Variants in C3orf18 observed in about 807,000 individuals in gnomAD.
C3orf18 encodes the protein chromosome 3 open reading frame 18.
A neutral mutation model predicts 14.1 loss-of-function variants in C3orf18; 12 were observed. The observed-to-expected ratio is 0.85, with a 90% CI of 0.55 to 1.38. The LOEUF (loss-of-function observed/expected upper bound fraction) is 1.38. Ranked by LOEUF, C3orf18 falls within the 40% of genes most tolerant of loss-of-function variation. The probability of loss-of-function intolerance (pLI) is 0.00; values close to 1 mark genes in which losing one functional copy is unlikely to be tolerated. For synonymous variants in C3orf18, 82 were observed against 87.9 expected, an observed-to-expected ratio of 0.93 and a Z score of 0.38; for missense variants, 196 against 213.9, an observed-to-expected ratio of 0.92 and a Z score of 0.52.
rs780507406 is a variant in C3orf18, at chr3:50,565,585, G to C, written c.115C>G (p.Pro39Ala). Residue 39 changes from proline to alanine, a missense_variant, in exon 3 of 6, where the codon CCA (proline) becomes GCA (alanine). Physicochemically the swap from Pro to Ala is conservative, Grantham distance 27. Coordinates refer to ENST00000357203, the MANE Select transcript of C3orf18 (RefSeq NM_016210.5). This position sits in a 1 kb window ranked among gnomAD's most constrained non-coding sequence, Gnocchi z 4.4. ...GPASETTTLSPEATTFNDTRI... is the reference protein window; with the variant it reads ...GPASETTTLSAEATTFNDTRI... ...GTGTCATTAAAGGTGGTGGCCTCTG[G>C]GCTGAGGGTAGTGGTCTCGGAGGCT... is the stretch of plus-strand genomic sequence containing the variant. 2 of 1,614,040 alleles carry C rather than the reference G, an allele frequency of 1.2e-6. No individual in the cohort carries two copies. Among genetic ancestry groups the C allele is most frequent in the Non-Finnish European group, 8.5e-7 (1 of 1,180,030 alleles).
chr3:50,574,388 G>C, upstream of C3orf18, among the ~76,000 whole-genome samples: 1 of 152,202 alleles, frequency 6.6e-6, no homozygotes, highest in East Asian at 1.9e-4. Context: ...GTGCTCTGGA[G>C]TGTTATGGCA....
At chr3:50,571,032 C>G (rs536557807), upstream of C3orf18, 1 of 1,220,502 alleles carries the variant, frequency 8.2e-7, no homozygotes, top group Admixed American at 2.3e-5. Context: ...ACTCTCAGCA[C>G]TCACCTCAGC....
rs955890873 is a variant in C3orf18 at position 50,559,751 on chromosome 3, G to A, written c.409-14C>T. ...GGGCAGAGTAGTCTGCAGGAAGACA[G>A]GCAGGGGCATCAGAGACCATGGGCA... On this transcript the variant is annotated splice_polypyrimidine_tract_variant and intron_variant, in intron 5 of 5. Coordinates refer to ENST00000357203, the MANE Select transcript of C3orf18 (RefSeq NM_016210.5). 6.4e-7 allele frequency: 1 copy of A among 1,552,546 alleles called. No homozygotes were observed.
At chr3:50,570,290 C>T (rs1181450174), upstream of C3orf18, 1 of 152,226 alleles carries the variant, frequency 6.6e-6, no homozygotes, top group Non-Finnish European at 1.5e-5. Flanking sequence ...TGATTTTAAA[C>T]CTTCAGTTAA....
At chr3:50,564,184 T>G (rs1700150346) in intron 3 of C3orf18, among the ~76,000 whole-genome samples, 1 of 152,222 alleles carries the variant, frequency 6.6e-6, no homozygotes, top group Admixed American at 6.5e-5. Flanking sequence ...AGGCCAGCCA[T>G]CAGAGCCTGC....
At chr3:50,572,086 T>C (rs774653655), upstream of C3orf18, 6 of 1,612,052 alleles carry the variant, frequency 3.7e-6, no homozygotes, top group Non-Finnish European at 5.1e-6. Flanking sequence ...GCTCTGTCCC[T>C]GATGACCACC....
At position 50,565,450 on chromosome 3, in the gene C3orf18, C is replaced by CTA. The variant is rs757974768; in HGVS notation, c.234+14_234+15dup. 1 of 1,583,128 alleles carries CTA rather than the reference C, an allele frequency of 6.3e-7. No individual in the cohort carries two copies. Among genetic ancestry groups the CTA allele is most frequent in the South Asian group, 1.1e-5 (1 of 90,332 alleles). ...TAAACACTGATTATCCTCCCCCAGC[C>CTA]TACCCCAGCTCTCACCAAGGCCACA... On this transcript the variant is annotated intron_variant, in intron 3 of 5. Transcript: ENST00000357203. This position sits in a 1 kb window ranked among gnomAD's most constrained non-coding sequence, Gnocchi z 4.4.
chr3:50,563,700 T>G (rs983563742), intron 3 of C3orf18, among the ~76,000 whole-genome samples: 2 of 152,218 alleles, frequency 1.3e-5, no homozygotes, highest in Non-Finnish European at 2.9e-5. Flanking sequence ...CCTCTGGGCC[T>G]GTCTCCGGTC....
chr3:50,566,219 C>A (rs185387060), intron 1 of C3orf18, 125 bp from the exon 2 acceptor site: 2 of 152,618 alleles, frequency 1.3e-5, no homozygotes, highest in East Asian at 3.9e-4. Context: ...CATTCCCTGC[C>A]TCCCACATCC....
upstream of C3orf18, chr3:50,571,003 C>T: frequency 1.2e-6 from 1 of 842,030 alleles, no homozygotes; most frequent in South Asian, 1.9e-5. Flanking sequence ...CCATCTCCAC[C>T]CAGCTGGGTC....
rs773561334 is a variant in C3orf18 at position 50,565,707 on chromosome 3, C to T, written c.-8G>A. Reference sequence around the variant, plus strand: ...TGCGGTCCTGGAGTTCATGCTGATGCGGAGAGGGCCCTGGCTGAGAGGCTG... The same window carrying T: ...TGCGGTCCTGGAGTTCATGCTGATGTGGAGAGGGCCCTGGCTGAGAGGCTG... On this transcript the variant is annotated 5_prime_UTR_variant, in exon 3 of 6. Transcript: ENST00000357203. This position sits in a 1 kb window ranked among gnomAD's most constrained non-coding sequence, Gnocchi z 4.4. The T allele has an allele frequency of 3.8e-6, 6 of 1,599,830 alleles. No individual in the cohort carries two copies. Among genetic ancestry groups the T allele is most frequent in the South Asian group, 2.2e-5 (2 of 90,700 alleles).
chr3:50,571,050 A>T (rs139048714), upstream of C3orf18: 31 of 1,378,166 alleles, frequency 2.2e-5, no homozygotes, highest in Non-Finnish European at 1.0e-6. Context: ...AGCAGCTGAC[A>T]TCATAAAGCA....
At chr3:50,563,524 C>T (rs1396173920) in intron 3 of C3orf18, among the ~76,000 whole-genome samples, 3 of 152,184 alleles carry the variant, frequency 2.0e-5, no homozygotes, top group African/African-American at 7.2e-5. Context: ...GCAGGTGCAG[C>T]CCCCTCTCCT....
intron 3 of C3orf18, among the ~76,000 whole-genome samples, chr3:50,563,403 TACAGAAAAGG>T (rs529236983): frequency 2.0e-5 from 3 of 152,174 alleles, no homozygotes; most frequent in African/African-American, 7.2e-5. Context: ...CAGAAGGATC[TACAGAAAAGG>T]CCAGAACCTT....
At chr3:50,574,471 T>C (rs1380364107), upstream of C3orf18, among the ~76,000 whole-genome samples, 2 of 152,212 alleles carry the variant, frequency 1.3e-5, no homozygotes, top group Non-Finnish European at 2.9e-5. Context: ...GCCATCCACA[T>C]ACGTGGTGTG....
chr3:50,563,571 G>A (rs1310649809), intron 3 of C3orf18, among the ~76,000 whole-genome samples: 1 of 152,040 alleles, frequency 6.6e-6, no homozygotes, highest in Non-Finnish European at 1.5e-5. Context: ...TGGTCTGCCT[G>A]TACCAAGCAC....
chr3:50,561,408 C>T (rs1699959647), intron 4 of C3orf18, among the ~76,000 whole-genome samples: 1 of 152,206 alleles, frequency 6.6e-6, no homozygotes, highest in South Asian at 2.1e-4. Flanking sequence ...TAGCAGTCAG[C>T]TCAGAGCAGC....
chr3:50,567,699 G>A lies in C3orf18; in HGVS notation c.-488C>T, dbSNP rs1332684389. 1 of 151,728 alleles carries A rather than the reference G, an allele frequency of 6.6e-6. No homozygotes were observed. Among genetic ancestry groups the A allele is most frequent in the Non-Finnish European group, 1.5e-5 (1 of 67,714 alleles). 9.4% of individuals were successfully genotyped at this position (151,728 alleles called of 1,614,324 possible). A position where few individuals can be genotyped will look rare whatever the true frequency, so the allele number is the denominator to read the frequency against. On this transcript the variant is annotated 5_prime_UTR_variant, in exon 1 of 6. Coordinates refer to ENST00000357203, the MANE Select transcript of C3orf18 (RefSeq NM_016210.5). Reference sequence around the variant, plus strand: ...GGTGGGTAGGGCCGGGACCCACGGCGGAGGTGGGGCCGGGCCGAGCAGCCT... The same window carrying A: ...GGTGGGTAGGGCCGGGACCCACGGCAGAGGTGGGGCCGGGCCGAGCAGCCT...
intron 4 of C3orf18, 146 bp downstream of exon 4, chr3:50,561,576 A>G: frequency 1.3e-6 from 1 of 743,116 alleles, no homozygotes; most frequent in Non-Finnish European, 2.3e-6. Flanking sequence ...ACCCTCCCCA[A>G]AGGAAAGTGG....
Sources: gnomAD v4.1 joint callset for allele counts (sites outside exome capture counted in the v4.1 genomes callset) on GRCh38, gnomAD v4.1.1 for gene constraint, Gnocchi (gnomAD v3.1) non-coding constraint, MANE v1.5 for transcripts, NCBI Gene and HGNC (gene_info 2026-07-23, HGNC 2026-07-21) for gene names.